CHL1: variants seen among roughly 807,000 people sequenced by gnomAD.
CHL1 encodes cell adhesion molecule L1 like.
CHL1 carries 96 observed loss-of-function variants against 141.9 expected under a neutral mutation model. The observed-to-expected ratio is 0.68, with a 90% CI of 0.57 to 0.80. The LOEUF is 0.80. Among genes scored for constraint, CHL1 ranks in the 30% least tolerant of loss-of-function variants. The probability of loss-of-function intolerance (pLI) is 0.00; values close to 1 mark genes in which losing one functional copy is unlikely to be tolerated. For missense variants in CHL1, 1,820 were observed against 1,457.2 expected, an observed-to-expected ratio of 1.25 and a Z score of -4.05; for synonymous variants, 613 against 502.2, an observed-to-expected ratio of 1.22 and a Z score of -2.95.
At chr3:381,224 G>T (rs1706996826) in intron 16 of CHL1, among the ~76,000 whole-genome samples, 2 of 152,128 alleles carry the variant, frequency 1.3e-5, no homozygotes, top group African/African-American at 2.4e-5. Context: ...AGGACATGTG[G>T]AGATGCTGCA....
At chr3:198,517 A>G (rs546764278) in intron 1 of CHL1, among the ~76,000 whole-genome samples, 1 of 152,308 alleles carries the variant, frequency 6.6e-6, no homozygotes, top group South Asian at 2.1e-4. Flanking sequence ...TGGACTAGGC[A>G]TTTAACTACG....
chr3:242,333 A>C (rs1178546807), intron 1 of CHL1, among the ~76,000 whole-genome samples: 42 of 150,378 alleles, frequency 2.8e-4, no homozygotes, highest in Admixed American at 8.0e-4. Flanking sequence ...GCGGTGGCTC[A>C]CGCCTGTAAT....
At chr3:269,493 C>T (rs756141954) in intron 2 of CHL1, among the ~76,000 whole-genome samples, 3 of 152,018 alleles carry the variant, frequency 2.0e-5, no homozygotes, top group Non-Finnish European at 2.9e-5. Flanking sequence ...AGGTGGGGTA[C>T]ATGAATGTTC....
intron 2 of CHL1, among the ~76,000 whole-genome samples, chr3:256,225 AT>A (rs1694153511): frequency 6.6e-6 from 1 of 151,424 alleles, no homozygotes; most frequent in Non-Finnish European, 1.5e-5. Context: ...AAAATATAGT[AT>A]GACTTTGATA....
rs992249130 is a variant in CHL1, at chr3:407,293, C to T, written c.*1582C>T. The T allele has an allele frequency of 6.6e-6, 1 of 152,032 alleles. No homozygotes were observed. Among genetic ancestry groups the T allele is most frequent in the Non-Finnish European group, 1.5e-5 (1 of 68,014 alleles). 9.4% of individuals were successfully genotyped at this position (152,032 alleles called of 1,614,324 possible). On this transcript the variant is annotated 3_prime_UTR_variant, in exon 28 of 28. Transcript: ENST00000256509. ...CCTCAACTTGGATTTATGGTAACCC[C>T]TTATAGTTCATGGAGACCAAAATTT...
intron 2 of CHL1, among the ~76,000 whole-genome samples, chr3:313,368 C>G (rs1321419339): frequency 1.3e-5 from 2 of 151,998 alleles, no homozygotes; most frequent in East Asian, 3.9e-4. Context: ...TGCTTTTTGC[C>G]CATGTATCAC....
At position 360,436 on chromosome 3, in the gene CHL1, T is replaced by G; in HGVS notation, c.1306+12T>G. 1 of 1,612,748 alleles carries G rather than the reference T, an allele frequency of 6.2e-7. No homozygotes were observed. The highest frequency in any genetic ancestry group is 8.5e-7 in the Non-Finnish European group (1 of 1,179,344). ...TATTGATGTTGTGGGTGAGTGTGCCTGGGAGCTGACTTAACATGCTATTTT... is the reference window on the plus strand; with the variant it reads ...TATTGATGTTGTGGGTGAGTGTGCCGGGGAGCTGACTTAACATGCTATTTT... On this transcript the variant is annotated intron_variant, in intron 12 of 27. Transcript: ENST00000256509.
chr3:216,806 T>G (rs1700362535), intron 1 of CHL1, among the ~76,000 whole-genome samples: 1 of 152,222 alleles, frequency 6.6e-6, no homozygotes, highest in Non-Finnish European at 1.5e-5. Flanking sequence ...ACACCCAGAC[T>G]TACTTCCTTA....
chr3:385,169 T>C (rs1707531257), intron 19 of CHL1, among the ~76,000 whole-genome samples: 1 of 152,214 alleles, frequency 6.6e-6, no homozygotes, highest in Non-Finnish European at 1.5e-5. Context: ...CTCCCTTAAG[T>C]TCCATAGAAA....
rs181443647 is a variant in CHL1, at chr3:281,694, G to C, written c.-95+37002G>C. Among the ~76,000 whole-genome samples the C allele has an allele frequency of 2.7e-3, 416 of 151,914 alleles. 13 individuals carry two copies. Among genetic ancestry groups the C allele is most frequent in the South Asian group, 1.2e-3 (6 of 4,802 alleles). ...CATGCCTCAGCCCCCCAAATAGCTG[G>C]GATTACAGGCACATGCCACCATGAC... On this transcript the variant is annotated intron_variant, in intron 2 of 27. Coordinates refer to ENST00000256509, the MANE Select transcript of CHL1 (RefSeq NM_006614.4).
At chr3:251,275 C>T (rs3872656) in intron 2 of CHL1, among the ~76,000 whole-genome samples, 1 of 151,888 alleles carries the variant, frequency 6.6e-6, no homozygotes, top group African/African-American at 2.4e-5. Flanking sequence ...TAGTCCACCT[C>T]TCAGGCAGAG....
At chr3:273,333 A>G (rs332453) in intron 2 of CHL1, among the ~76,000 whole-genome samples, 94,511 of 152,050 alleles carry the variant, frequency 0.62, 31,766 homozygotes, top group East Asian at 0.99. Flanking sequence ...CCCCACCTGG[A>G]CCAAAGGAGA....
At chr3:231,418 A>C in intron 1 of CHL1, among the ~76,000 whole-genome samples, 1 of 152,084 alleles carries the variant, frequency 6.6e-6, no homozygotes. Flanking sequence ...TAGAGAACTG[A>C]AGCAGGCTTA....
intron 2 of CHL1, among the ~76,000 whole-genome samples, chr3:274,913 T>G (rs1695956747): frequency 6.6e-6 from 1 of 152,244 alleles, no homozygotes; most frequent in South Asian, 2.1e-4. Flanking sequence ...TCTTCATTTA[T>G]TATTCTGGTG....
intron 20 of CHL1, 40 bp downstream of exon 20, chr3:389,514 T>C (rs764384110): frequency 1.4e-6 from 2 of 1,471,616 alleles, no homozygotes; most frequent in Non-Finnish European, 1.9e-6. Context: ...CGTCAGTAAC[T>C]GTTGCTTTCA....
At chr3:331,143 G>A (rs371541395) in intron 5 of CHL1, among the ~76,000 whole-genome samples, 10 of 152,118 alleles carry the variant, frequency 6.6e-5, no homozygotes, top group South Asian at 6.2e-4. Flanking sequence ...TGAACAATAC[G>A]TTTATCACCA....
At chr3:389,822 C>T (rs1559348687) in intron 20 of CHL1, among the ~76,000 whole-genome samples, 2 of 152,186 alleles carry the variant, frequency 1.3e-5, no homozygotes, top group Non-Finnish European at 2.9e-5. Context: ...CCTTACTTGT[C>T]AAGGATCCCC....
intron 2 of CHL1, among the ~76,000 whole-genome samples, chr3:250,187 A>C (rs1183648986): frequency 6.6e-6 from 1 of 151,128 alleles, no homozygotes; most frequent in East Asian, 2.0e-4. Flanking sequence ...CTGGTCTTGA[A>C]CTCCTGAGCT....
intron 2 of CHL1, among the ~76,000 whole-genome samples, chr3:306,000 A>G (rs545626572): frequency 3.7e-4 from 56 of 152,300 alleles, no homozygotes; most frequent in Admixed American, 1.4e-3. Flanking sequence ...TATCCAGAAA[A>G]TTGAATCTAA....
Sources: gnomAD v4.1 joint callset for allele counts (sites outside exome capture counted in the v4.1 genomes callset) on GRCh38, gnomAD v4.1.1 for gene constraint, MANE v1.5 for transcripts, NCBI Gene and HGNC (gene_info 2026-07-23, HGNC 2026-07-21) for gene names.